STARD13: variants seen among roughly 807,000 people sequenced by gnomAD.
STARD13 encodes stAR-related lipid transfer protein 13.
In STARD13, 62 loss-of-function variants were observed where a neutral mutation model predicts 106.4. The observed-to-expected ratio is 0.58, with a 90% confidence interval of 0.48 to 0.72. STARD13 has a LOEUF of 0.72. Among genes scored for constraint, STARD13 ranks in the 30% least tolerant of loss-of-function variants. STARD13 has a pLI of 0.00. For missense variants in STARD13, 1,387 were observed against 1,424.0 expected (o/e 0.97, Z 0.42); for synonymous variants, 565 against 553.0 (o/e 1.02, Z -0.31).
chr13:33,435,429 C>T, the STARD13 span, among the ~76,000 whole-genome samples: 1 of 152,086 alleles, frequency 6.6e-6, no homozygotes, highest in Non-Finnish European at 1.5e-5. Context: ...AGCTCTTAAG[C>T]TTTATGTGGC....
the STARD13 span, among the ~76,000 whole-genome samples, chr13:33,407,965 A>G: frequency 6.6e-6 from 1 of 152,248 alleles, no homozygotes; most frequent in East Asian, 1.9e-4. Context: ...GCATTTACTA[A>G]TCTCAACGTG....
the STARD13 span, among the ~76,000 whole-genome samples, chr13:33,394,851 C>G: frequency 6.6e-6 from 1 of 152,124 alleles, no homozygotes; most frequent in Non-Finnish European, 1.5e-5. Context: ...GATGCAATGG[C>G]CTGAGAGCAG....
the STARD13 span, among the ~76,000 whole-genome samples, chr13:33,360,727 C>CTCCTTCTGTGTAGACAG: frequency 1.6e-4 from 1 of 6,180 alleles, no homozygotes; most frequent in Non-Finnish European, 3.5e-4. Context: ...GACAGAAGGA[C>CTCCTTCTGTGTAGACAG]ATATTGTTGA....
At chr13:33,157,099 C>T (rs566197344) in intron 3 of STARD13, among the ~76,000 whole-genome samples, 7 of 152,094 alleles carry the variant, frequency 4.6e-5, no homozygotes, top group South Asian at 4.1e-4. Context: ...TCAACATACT[C>T]GAATCAAGTA....
the STARD13 span, among the ~76,000 whole-genome samples, chr13:33,647,009 C>A: frequency 6.6e-6 from 1 of 151,958 alleles, no homozygotes; most frequent in Non-Finnish European, 1.5e-5. Flanking sequence ...TGCAGCCCCC[C>A]CTAAAATATA....
At chr13:33,226,389 T>G (rs1594132257) in intron 1 of STARD13, among the ~76,000 whole-genome samples, 2 of 152,084 alleles carry the variant, frequency 1.3e-5, no homozygotes, top group South Asian at 4.2e-4. Flanking sequence ...TGCCAGCTAT[T>G]GCCATAAGTG....
chr13:33,383,805 C>T, the STARD13 span: 1 of 141,992 alleles, frequency 7.0e-6, no homozygotes, highest in African/African-American at 2.7e-5. Flanking sequence ...CGAAGCTGCA[C>T]ATTCCCTTTC....
the STARD13 span, among the ~76,000 whole-genome samples, chr13:33,528,253 TATAC>T: frequency 2.3e-5 from 3 of 129,818 alleles, no homozygotes; most frequent in African/African-American, 7.0e-5. Context: ...CATATATATA[TATAC>T]ATATATATAT....
chr13:33,621,329 A>G, the STARD13 span, among the ~76,000 whole-genome samples: 1 of 152,108 alleles, frequency 6.6e-6, no homozygotes, highest in South Asian at 2.1e-4. Flanking sequence ...AAATTTGATA[A>G]TAGATAAAAT....
intron 2 of STARD13, among the ~76,000 whole-genome samples, chr13:33,166,758 G>A (rs1594020608): frequency 1.3e-5 from 2 of 152,266 alleles, no homozygotes; most frequent in East Asian, 3.9e-4. Context: ...ACTTAGGGAG[G>A]CCGAGGTGGG....
chr13:33,320,118 C>T (rs984575439), intron 1 of STARD13, among the ~76,000 whole-genome samples: 8 of 152,366 alleles, frequency 5.3e-5, no homozygotes, highest in Middle Eastern at 3.4e-3. Context: ...AAGGTGATCA[C>T]AGCCTTTGGC....
chr13:33,370,194 C>G, the STARD13 span, among the ~76,000 whole-genome samples: 1 of 152,130 alleles, frequency 6.6e-6, no homozygotes, highest in Non-Finnish European at 1.5e-5. Context: ...GCACATATAA[C>G]CATCAATCAC....
At chr13:33,376,306 T>C in the STARD13 span, among the ~76,000 whole-genome samples, 1 of 152,170 alleles carries the variant, frequency 6.6e-6, no homozygotes, top group Non-Finnish European at 1.5e-5. Context: ...TGAGGATACC[T>C]AAGTTTAAAT....
the STARD13 span, among the ~76,000 whole-genome samples, chr13:33,499,761 C>CTTT: frequency 5.3e-5 from 5 of 94,574 alleles, no homozygotes; most frequent in African/African-American, 9.3e-5. Context: ...CTTCTTCTTT[C>CTTT]TTTTTTTTTT....
At chr13:33,430,950 T>C in the STARD13 span, among the ~76,000 whole-genome samples, 2 of 152,148 alleles carry the variant, frequency 1.3e-5, no homozygotes, top group Admixed American at 6.6e-5. Context: ...AGTTGATTAA[T>C]GGGTACAAAT....
the STARD13 span, among the ~76,000 whole-genome samples, chr13:33,588,886 A>G: frequency 6.6e-6 from 1 of 152,058 alleles, no homozygotes. Flanking sequence ...TCAACAAGCA[A>G]TTTTCTGGGC....
At chr13:33,578,591 G>A in the STARD13 span, among the ~76,000 whole-genome samples, 1 of 151,994 alleles carries the variant, frequency 6.6e-6, no homozygotes, top group South Asian at 2.1e-4. Context: ...CCTGGCCTAG[G>A]CAAAGAATTT....
At chr13:33,568,267 G>T in the STARD13 span, among the ~76,000 whole-genome samples, 2 of 147,788 alleles carry the variant, frequency 1.4e-5, no homozygotes, top group African/African-American at 5.0e-5. Context: ...GCTTGGACTT[G>T]TGGAGAGGTA....
intron 12 of STARD13, among the ~76,000 whole-genome samples, chr13:33,107,635 T>C (rs1873952110): frequency 6.6e-6 from 1 of 152,112 alleles, no homozygotes; most frequent in Admixed American, 6.6e-5. Context: ...AAGGCAGAGA[T>C]AGGAAAGTAC....
Sources: allele counts gnomAD v4.1 joint callset (sites outside exome capture counted in the v4.1 genomes callset), GRCh38; gene constraint gnomAD v4.1.1; transcripts MANE v1.5; gene names NCBI Gene and HGNC (gene_info 2026-07-23, HGNC 2026-07-21).